The following L3MBTL4 variants were observed in gnomAD, a reference collection of about 807,000 sequenced individuals.
L3MBTL4 encodes L3MBTL histone methyl-lysine binding protein 4.
Under a neutral mutation model 84.5 loss-of-function variants are expected in L3MBTL4, and 70 were observed. The observed-to-expected ratio is 0.83, with a 90% CI of 0.68 to 1.01. The LOEUF is 1.01. Among genes scored for constraint, L3MBTL4 ranks in the 50% least tolerant of loss-of-function variants. L3MBTL4 has a pLI of 0.00. For synonymous variants in L3MBTL4, 274 were observed against 259.8 expected (o/e 1.05, Z -0.52); for missense variants, 715 against 754.8 (o/e 0.95, Z 0.62).
chr18:6,337,759 A>G (rs458543), intron 1 of L3MBTL4, among the ~76,000 whole-genome samples: 1 of 152,158 alleles, frequency 6.6e-6, no homozygotes, highest in Non-Finnish European at 1.5e-5. Context: ...GTTTAAGTTC[A>G]GCGACTAGTT....
chr18:6,085,527 T>C (rs2143425294), intron 15 of L3MBTL4, among the ~76,000 whole-genome samples: 1 of 152,356 alleles, frequency 6.6e-6, no homozygotes, highest in Admixed American at 6.5e-5. Context: ...TGCAGGTAAC[T>C]AAATCATGGG....
chr18:6,259,249 C>G (rs926884438), intron 5 of L3MBTL4: 4 of 152,328 alleles, frequency 2.6e-5, no homozygotes, highest in African/African-American at 9.7e-5. Context: ...AGAACAGGAA[C>G]AACAATGGAA....
intron 12 of L3MBTL4, among the ~76,000 whole-genome samples, chr18:6,208,178 T>C (rs2045953529): frequency 6.6e-6 from 1 of 152,050 alleles, no homozygotes; most frequent in African/African-American, 2.4e-5. Flanking sequence ...TCCAGTTAGA[T>C]AGAGGTCAGG....
intron 16 of L3MBTL4, among the ~76,000 whole-genome samples, chr18:6,007,240 T>C (rs1301280127): frequency 6.6e-6 from 1 of 151,360 alleles, no homozygotes; most frequent in Admixed American, 6.6e-5. Context: ...AGCATAAAGA[T>C]AAAGAGCTCT....
chr18:5,998,826 A>G (rs1262552354), intron 16 of L3MBTL4, among the ~76,000 whole-genome samples: 2 of 152,176 alleles, frequency 1.3e-5, no homozygotes, highest in African/African-American at 2.4e-5. Context: ...CACTGTCAGC[A>G]GCCTGGCCAG....
At chr18:6,198,019 T>C (rs1368360296) in intron 12 of L3MBTL4, among the ~76,000 whole-genome samples, 1 of 152,222 alleles carries the variant, frequency 6.6e-6, no homozygotes, top group African/African-American at 2.4e-5. Context: ...GCCTGTTTCT[T>C]TGACCACCCC....
chr18:6,057,761 G>T (rs2145860021), intron 16 of L3MBTL4, among the ~76,000 whole-genome samples: 1 of 152,234 alleles, frequency 6.6e-6, no homozygotes, highest in Middle Eastern at 3.4e-3. Flanking sequence ...AATAAATAAA[G>T]TCCATGACAA....
chr18:6,299,892 G>C (rs1050835422), intron 4 of L3MBTL4, among the ~76,000 whole-genome samples: 2 of 152,010 alleles, frequency 1.3e-5, no homozygotes, highest in African/African-American at 4.8e-5. Context: ...GGCTGGTCTT[G>C]AACTCCCAAG....
At chr18:6,222,833 T>C (rs1038003950) in intron 10 of L3MBTL4, among the ~76,000 whole-genome samples, 2 of 151,824 alleles carry the variant, frequency 1.3e-5, no homozygotes, top group Admixed American at 6.6e-5. Flanking sequence ...AGAATCTATC[T>C]ATAGAAACTA....
intron 16 of L3MBTL4, among the ~76,000 whole-genome samples, chr18:6,064,153 G>A (rs2057325490): frequency 6.6e-6 from 1 of 152,018 alleles, no homozygotes; most frequent in South Asian, 2.1e-4. Context: ...CTTTGTTGAA[G>A]ATTACTTGGC....
intron 16 of L3MBTL4, among the ~76,000 whole-genome samples, chr18:6,003,510 T>C (rs1176869243): frequency 6.6e-6 from 1 of 151,936 alleles, no homozygotes; most frequent in Non-Finnish European, 1.5e-5. Context: ...AAATAGAAGA[T>C]AAGTAAATAA....
chr18:5,955,276 T>TCC lies in L3MBTL4; in HGVS notation c.*942_*943dup, dbSNP rs2095220776. ...ACCACGCTCCCTACTTTAGAGATCT[T>TCC]CCCTTTGAATAGTGTGTCTCCATTT... On this transcript the variant is annotated 3_prime_UTR_variant, in exon 19 of 19. Coordinates refer to ENST00000317931, the MANE Select transcript of L3MBTL4 (RefSeq NM_001330559.2). The TCC allele has an allele frequency of 6.6e-6, 1 of 152,198 alleles. No homozygotes were observed. The highest frequency in any genetic ancestry group is 2.4e-5 in the African/African-American group (1 of 41,452). The allele number at this position is 152,198 out of a possible 1,614,324, so 9.4% of individuals were successfully genotyped here. A position where few individuals can be genotyped will look rare whatever the true frequency, so the allele number is the denominator to read the frequency against.
At chr18:6,068,013 T>C (rs2057454954) in intron 16 of L3MBTL4, among the ~76,000 whole-genome samples, 1 of 152,226 alleles carries the variant, frequency 6.6e-6, no homozygotes, top group Non-Finnish European at 1.5e-5. Flanking sequence ...TTAATGTTTA[T>C]CATTTATTAT....
intron 3 of L3MBTL4, among the ~76,000 whole-genome samples, chr18:6,306,479 A>G (rs1363405429): frequency 1.3e-5 from 2 of 152,238 alleles, no homozygotes; most frequent in Admixed American, 1.3e-4. Context: ...TCAGTCTTCT[A>G]TGAGGCAACA....
Position 6,231,697 on chromosome 18 carries a change from C to A in L3MBTL4, c.784+6267G>T, listed in dbSNP as rs2047006117. Among the ~76,000 whole-genome samples, 3 of 152,022 alleles carry A rather than the reference C, an allele frequency of 2.0e-5. No homozygotes were observed. The South Asian group carries it at 6.2e-4, about 32-fold the overall frequency. ...TGAGGTGTTTTCTTAATTTCCCTTT[C>A]TGATTGTTTATTGTTACAGTAAAGA... On this transcript the variant is annotated intron_variant, in intron 10 of 18. Coordinates refer to ENST00000317931, the MANE Select transcript of L3MBTL4 (RefSeq NM_001330559.2).
intron 16 of L3MBTL4, among the ~76,000 whole-genome samples, chr18:6,016,967 C>T (rs2055015283): frequency 6.6e-6 from 1 of 152,090 alleles, no homozygotes; most frequent in African/African-American, 2.4e-5. Context: ...ATCCGCCTCT[C>T]AGGGCAGAGC....
At chr18:6,344,985 G>T (rs1176577154) in intron 1 of L3MBTL4, among the ~76,000 whole-genome samples, 1 of 151,914 alleles carries the variant, frequency 6.6e-6, no homozygotes, top group Admixed American at 6.6e-5. Context: ...CCTAGTCAGA[G>T]CACTTAGGCA....
chr18:6,251,423 T>C (rs1361364384), intron 5 of L3MBTL4, among the ~76,000 whole-genome samples: 2 of 152,252 alleles, frequency 1.3e-5, no homozygotes, highest in Non-Finnish European at 2.9e-5. Flanking sequence ...GCCTAAGCTG[T>C]CCTTTATCAA....
At chr18:6,266,344 A>G (rs77437652) in intron 4 of L3MBTL4, among the ~76,000 whole-genome samples, 1,894 of 152,324 alleles carry the variant, frequency 0.012, 35 homozygotes, top group African/African-American at 0.042. Context: ...TATTTTAAAA[A>G]TTATCTGCAA....
Sources: allele counts gnomAD v4.1 joint callset (sites outside exome capture counted in the v4.1 genomes callset), GRCh38; gene constraint gnomAD v4.1.1; transcripts MANE v1.5; gene names NCBI Gene and HGNC (gene_info 2026-07-23, HGNC 2026-07-21).